The following GLDC variants were observed in gnomAD, a reference collection of about 807,000 sequenced individuals.
The protein encoded by GLDC is glycine decarboxylase, also known as glycine dehydrogenase (decarboxylating), mitochondrial.
A neutral mutation model predicts 121.3 loss-of-function variants in GLDC; 104 were observed. That is an observed-to-expected ratio of 0.86 (90% CI 0.73 to 1.01). The LOEUF is 1.01. GLDC is among the 50% of genes least tolerant of loss of function. The pLI, the probability that GLDC is intolerant of heterozygous loss-of-function variation, is 0.00. For missense variants in GLDC, 1,429 were observed against 1,306.6 expected, an observed-to-expected ratio of 1.09 and a Z score of -1.44; for synonymous variants, 546 against 480.6, an observed-to-expected ratio of 1.14 and a Z score of -1.78.
intron 2 of GLDC, among the ~76,000 whole-genome samples, chr9:6,633,967 C>A (rs889132990): frequency 1.3e-5 from 2 of 150,774 alleles, no homozygotes; most frequent in Admixed American, 6.6e-5. Context: ...GTAGCTGGGA[C>A]TACAGGCGCC....
At chr9:6,578,078 C>T (rs772144362) in intron 15 of GLDC, among the ~76,000 whole-genome samples, 18 of 151,824 alleles carry the variant, frequency 1.2e-4, no homozygotes, top group Non-Finnish European at 2.2e-4. Context: ...CTGTGCCCAG[C>T]TACTTTTTTA....
chr9:6,571,200 A>T (rs1399499598), intron 15 of GLDC, among the ~76,000 whole-genome samples: 2 of 152,140 alleles, frequency 1.3e-5, no homozygotes, highest in Non-Finnish European at 2.9e-5. Context: ...ACTGGCACAA[A>T]TCAGTTCATC....
intron 15 of GLDC, among the ~76,000 whole-genome samples, chr9:6,575,845 A>G (rs2129793831): frequency 6.6e-6 from 1 of 152,360 alleles, no homozygotes; most frequent in African/African-American, 2.4e-5. Flanking sequence ...AATGATTTGA[A>G]GAGTGGCAAA....
intron 21 of GLDC, among the ~76,000 whole-genome samples, chr9:6,549,236 A>C (rs1817458605): frequency 2.6e-5 from 4 of 152,120 alleles, no homozygotes; most frequent in African/African-American, 9.7e-5. Context: ...CATCACGTGC[A>C]TTTGTCTGTT....
intron 3 of GLDC, among the ~76,000 whole-genome samples, chr9:6,611,392 TA>T (rs559560096): frequency 1.3e-3 from 200 of 152,242 alleles, no homozygotes; most frequent in Non-Finnish European, 2.2e-3. Flanking sequence ...CCGTCTCTAC[TA>T]AAAATACAAA....
intron 2 of GLDC, among the ~76,000 whole-genome samples, chr9:6,623,831 A>G (rs1288907763): frequency 6.6e-6 from 1 of 152,212 alleles, no homozygotes; most frequent in Non-Finnish European, 1.5e-5. Flanking sequence ...ACAATCATGC[A>G]AAAAGTCCAA....
At chr9:6,554,823 G>C in intron 18 of GLDC, 42 bp from the exon 19 acceptor site, 1 of 1,458,818 alleles carries the variant, frequency 6.9e-7, no homozygotes, top group Non-Finnish European at 9.5e-7. Context: ...TCAAGAGCTT[G>C]GAAGCACCCT....
chr9:6,577,053 C>A (rs777131566), intron 15 of GLDC, among the ~76,000 whole-genome samples: 1 of 152,150 alleles, frequency 6.6e-6, no homozygotes, highest in Non-Finnish European at 1.5e-5. Flanking sequence ...TATATGTGGG[C>A]AGGGAATGAC....
chr9:6,573,149 C>A (rs1817997344), intron 15 of GLDC, among the ~76,000 whole-genome samples: 1 of 152,126 alleles, frequency 6.6e-6, no homozygotes, highest in Non-Finnish European at 1.5e-5. Context: ...GTGGCTCACG[C>A]CTGTAATCCC....
chr9:6,600,529 A>T (rs1433724063), intron 8 of GLDC, among the ~76,000 whole-genome samples: 1 of 152,074 alleles, frequency 6.6e-6, no homozygotes, highest in Admixed American at 6.6e-5. Flanking sequence ...TACAAAAATT[A>T]TCTGGGTGTG....
At chr9:6,587,447 A>T (rs548456129) in intron 14 of GLDC, among the ~76,000 whole-genome samples, 164 bp from the exon 15 acceptor site, 1 of 152,228 alleles carries the variant, frequency 6.6e-6, no homozygotes, top group Non-Finnish European at 1.5e-5. Flanking sequence ...CTTATAAGGT[A>T]AGTACCGTTA....
intron 3 of GLDC, among the ~76,000 whole-genome samples, chr9:6,611,436 G>C (rs552831440): frequency 1.3e-5 from 2 of 152,066 alleles, no homozygotes; most frequent in Non-Finnish European, 2.9e-5. Context: ...CGTGCCTGTA[G>C]TCCCAGCTAC....
chr9:6,536,113 A>G lies in GLDC; in HGVS notation c.2789T>C (p.Ile930Thr). 4 of 1,614,010 alleles carry G rather than the reference A, an allele frequency of 2.5e-6. No homozygotes were observed. The highest frequency in any genetic ancestry group is 3.4e-6 in the Non-Finnish European group (4 of 1,179,950). Residue 930 changes from isoleucine to threonine, a missense_variant, in exon 23 of 25, where the codon ATT (isoleucine) becomes ACT (threonine). Transcript: ENST00000321612. ...GATGCGGCCCTCCTCAATGTCAGCAATTTCCTGCCGAATGCTGATCATGGC... is the reference window on the plus strand; with the variant it reads ...GATGCGGCCCTCCTCAATGTCAGCAGTTTCCTGCCGAATGCTGATCATGGC... ...CDAMISIRQE[I>T]ADIEEGRIDP...
intron 2 of GLDC, among the ~76,000 whole-genome samples, chr9:6,629,931 A>ATATATATG (rs1036921620): frequency 1.2e-5 from 1 of 82,486 alleles, no homozygotes; most frequent in Non-Finnish European, 2.1e-5. Context: ...GCTTTTCACT[A>ATATATATG]TATATATATA....
chr9:6,553,793 C>G (rs1021467186), intron 19 of GLDC, among the ~76,000 whole-genome samples: 6 of 152,040 alleles, frequency 3.9e-5, no homozygotes, highest in Non-Finnish European at 7.4e-5. Flanking sequence ...CCATGTCCCT[C>G]CCTCCCACTC....
intron 2 of GLDC, among the ~76,000 whole-genome samples, chr9:6,637,164 G>A (rs1819521181): frequency 6.6e-6 from 1 of 151,974 alleles, no homozygotes. Flanking sequence ...CAGCACTTTG[G>A]AAGGCCGAGG....
At position 6,602,184 on chromosome 9, in the gene GLDC, C is replaced by T. The variant is rs745502236; in HGVS notation, c.1080G>A (p.Val360=). 2 of 1,611,682 alleles carry T rather than the reference C, an allele frequency of 1.2e-6. No homozygotes were observed. Among genetic ancestry groups the T allele is most frequent in the Admixed American group, 3.3e-5 (2 of 60,006 alleles). ...GVTRDATGKE[V]YRLALQTREQ... is the part of the protein sequence containing the mutation. Reference sequence around the variant, plus strand: ...CCCTGGTTTGAAGAGCAAGACGATACACTTCTTTCCCAGTGGCATCTCTAC... The same window carrying T: ...CCCTGGTTTGAAGAGCAAGACGATATACTTCTTTCCCAGTGGCATCTCTAC... Residue 360 remains valine (V), a synonymous_variant, in exon 8 of 25, where the codon GTG becomes GTA. Transcript: ENST00000321612.
chr9:6,564,201 T>C (rs1042115657), intron 16 of GLDC, among the ~76,000 whole-genome samples: 1 of 151,440 alleles, frequency 6.6e-6, no homozygotes, highest in Non-Finnish European at 1.5e-5. Context: ...TGAGCCGAGA[T>C]TGGGCCATTG....
chr9:6,627,415 A>G (rs1244777458), intron 2 of GLDC, among the ~76,000 whole-genome samples: 2 of 152,126 alleles, frequency 1.3e-5, no homozygotes, highest in African/African-American at 2.4e-5. Context: ...AAGGTGATAA[A>G]TATATACTCT....
Sources: gnomAD v4.1 joint callset for allele counts (sites outside exome capture counted in the v4.1 genomes callset) on GRCh38, gnomAD v4.1.1 for gene constraint, MANE v1.5 for transcripts, NCBI Gene and HGNC (gene_info 2026-07-23, HGNC 2026-07-21) for gene names.